Variants in DTX4 observed in about 807,000 individuals in gnomAD.
The protein encoded by DTX4 is E3 ubiquitin-protein ligase DTX4.
In DTX4, 28 loss-of-function variants were observed where a neutral mutation model predicts 57.6. The observed-to-expected ratio is 0.49, with a 90% CI of 0.36 to 0.67. DTX4 has a LOEUF of 0.67. Ranked by LOEUF, DTX4 falls within the 30% of genes least tolerant of loss-of-function variation. The pLI is 0.00. For missense variants in DTX4, 715 were observed against 836.8 expected, an observed-to-expected ratio of 0.85 and a Z score of 1.80; for synonymous variants, 316 against 331.0, an observed-to-expected ratio of 0.95 and a Z score of 0.49.
chr11:59,179,577 C>T (rs528622940), intron 1 of DTX4, among the ~76,000 whole-genome samples: 1 of 152,356 alleles, frequency 6.6e-6, no homozygotes, highest in East Asian at 1.9e-4. Flanking sequence ...AGGGGCACCA[C>T]CCCTGGGTCC....
Position 59,207,554 on chromosome 11 carries a change from T to A in DTX4, c.*2645T>A, listed in dbSNP as rs1862829533. On this transcript the variant is annotated 3_prime_UTR_variant, in exon 9 of 9. Transcript: ENST00000227451. ...GAGCATTCCTCTGCCCTTTGTCTTGTGCCAACCTGGAAAGGTGCAGTCTAG... is the reference window on the plus strand; with the variant it reads ...GAGCATTCCTCTGCCCTTTGTCTTGAGCCAACCTGGAAAGGTGCAGTCTAG... The A allele has an allele frequency of 6.5e-6, 1 of 152,676 alleles. No individual in the cohort carries two copies. The highest frequency in any genetic ancestry group is 2.4e-5 in the African/African-American group (1 of 41,434). The allele number at this position is 152,676 out of a possible 1,614,324, so 9.5% of individuals were successfully genotyped here.
chr11:59,203,858 G>C (rs1862769832), intron 8 of DTX4, among the ~76,000 whole-genome samples: 1 of 152,118 alleles, frequency 6.6e-6, no homozygotes, highest in South Asian at 2.1e-4. Context: ...TAAACACTCA[G>C]GAAATAGCAG....
intron 1 of DTX4, among the ~76,000 whole-genome samples, chr11:59,175,536 A>G (rs925104940): frequency 5.9e-5 from 9 of 152,038 alleles, no homozygotes; most frequent in African/African-American, 1.2e-4. Flanking sequence ...TTTGCATTCT[A>G]TGCCAGTCTT....
rs1862789052 is a variant in DTX4 at position 59,205,102 on chromosome 11, C to A, written c.*193C>A. On this transcript the variant is annotated 3_prime_UTR_variant, in exon 9 of 9. Coordinates refer to ENST00000227451, the MANE Select transcript of DTX4 (RefSeq NM_015177.2). ...GAATATAGCGACATCATTCATAAATCTCATCCAACACAAAGGGAGATGGGA... is the reference window on the plus strand; with the variant it reads ...GAATATAGCGACATCATTCATAAATATCATCCAACACAAAGGGAGATGGGA... 1.2e-5 allele frequency: 7 copies of A among 582,894 alleles called. No individual in the cohort carries two copies. The highest frequency in any genetic ancestry group is 1.2e-4 in the South Asian group (6 of 49,972). 36.1% of individuals were successfully genotyped at this position (582,894 alleles called of 1,614,324 possible).
chr11:59,171,498 A>G (rs572434386), upstream of DTX4: 2 of 152,396 alleles, frequency 1.3e-5, no homozygotes, highest in South Asian at 4.1e-4. Context: ...CGTAGGTAAT[A>G]TAAATCCATC....
chr11:59,184,902 C>T (rs1001459902), intron 2 of DTX4, among the ~76,000 whole-genome samples: 17 of 152,210 alleles, frequency 1.1e-4, no homozygotes, highest in Admixed American at 1.1e-3. Context: ...TCCAGCCTTT[C>T]TTGGCCATTT....
At chr11:59,176,714 A>G (rs1186477076) in intron 1 of DTX4, among the ~76,000 whole-genome samples, 3 of 152,254 alleles carry the variant, frequency 2.0e-5, no homozygotes, top group Non-Finnish European at 4.4e-5. Context: ...TCCACTTCCC[A>G]GAAGCTGAAA....
chr11:59,174,933 T>C (rs1862377319), intron 1 of DTX4, among the ~76,000 whole-genome samples: 1 of 152,198 alleles, frequency 6.6e-6, no homozygotes, highest in Admixed American at 6.5e-5. Flanking sequence ...CCTGAATACC[T>C]CTCTGCTGTG....
In DTX4 at chr11:59,192,119, C is replaced by G. The variant is rs201305796; in HGVS notation, c.1243C>G (p.Arg415Gly). Residue 415 changes from arginine to glycine, a missense_variant, in exon 6 of 9, where the codon CGC (arginine) becomes GGC (glycine). Coordinates refer to ENST00000227451, the MANE Select transcript of DTX4 (RefSeq NM_015177.2). Reference sequence around the variant, plus strand: ...CCAGGACTGCACCATCTGTATGGAACGCCTCACGGCCCCCTCAGGCTACAA... The same window carrying G: ...CCAGGACTGCACCATCTGTATGGAAGGCCTCACGGCCCCCTCAGGCTACAA... Reference protein sequence around the residue: ...PDEDCTICMERLTAPSGYKGP... With the variant: ...PDEDCTICMEGLTAPSGYKGP... 3 of 1,613,588 alleles carry G rather than the reference C, an allele frequency of 1.9e-6. No homozygotes were observed. The highest frequency in any genetic ancestry group is 2.2e-5 in the South Asian group (2 of 91,068).
intron 1 of DTX4, 133 bp from the exon 2 acceptor site, chr11:59,181,606 G>T: frequency 7.9e-7 from 1 of 1,273,104 alleles, no homozygotes; most frequent in Non-Finnish European, 1.1e-6. Context: ...GGCACTTCAG[G>T]CAGTGTCATG....
intron 7 of DTX4, among the ~76,000 whole-genome samples, chr11:59,195,840 C>T (rs922765091): frequency 1.3e-5 from 2 of 152,206 alleles, no homozygotes; most frequent in East Asian, 3.8e-4. Context: ...GAATGAATAA[C>T]CTTGTACACA....
chr11:59,186,751 C>T (rs988494166), intron 2 of DTX4, among the ~76,000 whole-genome samples: 2 of 152,218 alleles, frequency 1.3e-5, no homozygotes, highest in Non-Finnish European at 2.9e-5. Context: ...TGCCCATCCA[C>T]CATACCATGC....
chr11:59,172,634 GA>G lies in DTX4; in HGVS notation c.41del (p.Asn14ThrfsTer13). ...CGGCCGTGGTGGTCTGGGAATGGCT[GA>G]ACGAGCACGGCCGCTGGCGTCCCTA... ...ASAVVVWEWL[N>X]EHGRWRPYSP... On this transcript the variant is annotated frameshift_variant, in exon 1 of 9. Transcript: ENST00000227451. LOFTEE classifies it high-confidence loss of function. The G allele has an allele frequency of 1.3e-6, 2 of 1,587,980 alleles. No homozygotes were observed. The highest frequency in any genetic ancestry group is 1.7e-6 in the Non-Finnish European group (2 of 1,173,290).
chr11:59,192,311 G>T, intron 6 of DTX4, 61 bp downstream of exon 6: 1 of 1,598,856 alleles, frequency 6.3e-7, no homozygotes, highest in Non-Finnish European at 8.6e-7. Context: ...GTAGCAAGAT[G>T]GTGAAGGCCC....
chr11:59,172,127 G>T (rs564503084), upstream of DTX4, among the ~76,000 whole-genome samples: 9 of 152,128 alleles, frequency 5.9e-5, no homozygotes, highest in Admixed American at 2.6e-4. Flanking sequence ...GGACCAGAGC[G>T]TGCCATTCCG....
chr11:59,179,698 T>A (rs1565215859), intron 1 of DTX4, among the ~76,000 whole-genome samples: 1 of 152,218 alleles, frequency 6.6e-6, no homozygotes, highest in Non-Finnish European at 1.5e-5. Context: ...ACTTAGGAAC[T>A]GGTGTGCAGC....
At chr11:59,179,889 A>G (rs1218505787) in intron 1 of DTX4, among the ~76,000 whole-genome samples, 1 of 149,940 alleles carries the variant, frequency 6.7e-6, no homozygotes, top group Non-Finnish European at 1.5e-5. Flanking sequence ...TCTTTCTTAC[A>G]CCCCCTACCA....
intron 8 of DTX4, among the ~76,000 whole-genome samples, chr11:59,203,454 T>C (rs781576481): frequency 2.0e-5 from 3 of 152,152 alleles, no homozygotes; most frequent in Non-Finnish European, 2.9e-5. Flanking sequence ...AGCCTTGACC[T>C]ACTAAGGGCA....
chr11:59,179,993 A>G (rs1191881806), intron 1 of DTX4, among the ~76,000 whole-genome samples: 1 of 152,212 alleles, frequency 6.6e-6, no homozygotes, highest in Non-Finnish European at 1.5e-5. Context: ...TCCTGCTTAG[A>G]CATATAATAG....
Sources: gnomAD v4.1 joint callset for allele counts (sites outside exome capture counted in the v4.1 genomes callset) on GRCh38, gnomAD v4.1.1 for gene constraint, MANE v1.5 for transcripts, NCBI Gene and HGNC (gene_info 2026-07-23, HGNC 2026-07-21) for gene names.